Variants in SORL1 observed in about 807,000 individuals in gnomAD.
SORL1 encodes the protein sortilin-related receptor.
Under a neutral mutation model 273.7 loss-of-function variants are expected in SORL1, and 127 were observed. The ratio of observed to expected loss-of-function variants is 0.46; its 90% CI spans 0.40 to 0.54. The LOEUF (loss-of-function observed/expected upper bound fraction) is 0.54, where lower values mean the gene tolerates loss of function less well. Among genes scored for constraint, SORL1 ranks in the 20% least tolerant of loss-of-function variants. The pLI is 0.00. For missense variants in SORL1, 2,494 were observed against 2,846.1 expected, an observed-to-expected ratio of 0.88 and a Z score of 2.81; for synonymous variants, 1,031 against 1,067.4, an observed-to-expected ratio of 0.97 and a Z score of 0.66.
chr11:121,534,084 C>G (rs1862236916), intron 12 of SORL1, among the ~76,000 whole-genome samples: 2 of 152,180 alleles, frequency 1.3e-5, no homozygotes, highest in African/African-American at 4.8e-5. Flanking sequence ...ATGCCTGCCA[C>G]CCTGTAGTTG....
intron 14 of SORL1, among the ~76,000 whole-genome samples, chr11:121,549,176 T>G (rs1438951581): frequency 6.6e-6 from 1 of 152,142 alleles, no homozygotes; most frequent in African/African-American, 2.4e-5. Context: ...CAGGGTGACT[T>G]AGCTAGTATG....
intron 39 of SORL1, 82 bp downstream of exon 39, chr11:121,611,240 G>C: frequency 1.1e-6 from 1 of 918,746 alleles, no homozygotes; most frequent in East Asian, 2.8e-5. Context: ...AGTAAGACTG[G>C]AAAAAAACAA....
At chr11:121,502,494 C>T (rs1357051658) in intron 6 of SORL1, among the ~76,000 whole-genome samples, 5 of 152,110 alleles carry the variant, frequency 3.3e-5, no homozygotes, top group Admixed American at 1.3e-4. Context: ...AACTATTGTA[C>T]CATTTTATAT....
chr11:121,625,060 A>C, intron 45 of SORL1, 25 bp from the exon 46 acceptor site: 2 of 1,554,384 alleles, frequency 1.3e-6, no homozygotes, highest in Non-Finnish European at 1.8e-6. Flanking sequence ...CGACTTCCTG[A>C]GCAATCTCTT....
chr11:121,469,480 A>G (rs191115512), intron 1 of SORL1, among the ~76,000 whole-genome samples: 1 of 152,374 alleles, frequency 6.6e-6, no homozygotes, highest in Admixed American at 6.5e-5. Flanking sequence ...AGACCTTTCA[A>G]AAATAATTTT....
At chr11:121,503,476 G>T (rs1775030546) in intron 6 of SORL1, among the ~76,000 whole-genome samples, 1 of 151,920 alleles carries the variant, frequency 6.6e-6, no homozygotes, top group African/African-American at 2.4e-5. Context: ...ATAAATATGA[G>T]AATTTATTTC....
Position 121,593,785 on chromosome 11 carries a change from G to A in SORL1, c.4370-1838G>A, listed in dbSNP as rs569644027. On this transcript the variant is annotated intron_variant, in intron 31 of 47. Transcript: ENST00000260197. ...ATACCTGGGGCACAACTGCCTTTTA[G>A]GACGTTGCACCATCATCATCTTCAG... Among the ~76,000 whole-genome samples, 5 of 152,228 alleles carry A rather than the reference G, an allele frequency of 3.3e-5. No homozygotes were observed. The South Asian group carries it at 1.0e-3, about 32-fold the overall frequency.
chr11:121,558,902 C>G (rs927828168), intron 20 of SORL1, 65 bp downstream of exon 20: 5 of 1,584,572 alleles, frequency 3.2e-6, no homozygotes, highest in South Asian at 1.1e-5. Context: ...AGATCAGGAG[C>G]CTGCATCCCT....
At chr11:121,581,440 A>C (rs1052624699) in intron 25 of SORL1, among the ~76,000 whole-genome samples, 1 of 152,338 alleles carries the variant, frequency 6.6e-6, no homozygotes, top group East Asian at 1.9e-4. Context: ...TACCACACGA[A>C]CTTCACCATT....
rs1323342802 is a variant in SORL1, at chr11:121,617,682, TTTGA to T, written c.5605-1088_5605-1085del. 2.5e-4 allele frequency among the ~76,000 whole-genome samples: 38 copies of T among 152,346 alleles called. 1 individual carries two copies. The highest frequency in any genetic ancestry group is 8.7e-4 in the African/African-American group (36 of 41,566). On this transcript the variant is annotated intron_variant, in intron 41 of 47. Coordinates refer to ENST00000260197, the MANE Select transcript of SORL1 (RefSeq NM_003105.6). The stretch of plus-strand genomic sequence containing the variant: ...CACATAACTCTTGGAGAAAATGCTC[TTTGA>T]TTGTGCCTTACAAAGAAAGCTTCCT...
At chr11:121,615,941 T>C (rs981000725) in intron 41 of SORL1, among the ~76,000 whole-genome samples, 5 of 151,886 alleles carry the variant, frequency 3.3e-5, no homozygotes, top group Admixed American at 2.0e-4. Flanking sequence ...CTTGCCAGAG[T>C]TAAAGCTCTC....
Position 121,627,775 on chromosome 11 carries a change from G to A in SORL1, c.6577+8G>A. ...CCTCTGGGGATGACCTGGGTAAGTG[G>A]GGCAGGGAGAGTCGGTTCTTCCTCC... On this transcript the variant is annotated splice_region_variant and intron_variant, in intron 47 of 47. Coordinates refer to ENST00000260197, the MANE Select transcript of SORL1 (RefSeq NM_003105.6). The surrounding 1 kb of genome is among the most constrained non-coding windows in gnomAD (Gnocchi z 4.9). 6.2e-7 allele frequency: 1 copy of A among 1,607,156 alleles called. No individual in the cohort carries two copies. The highest frequency in any genetic ancestry group is 8.5e-7 in the Non-Finnish European group (1 of 1,175,066).
In SORL1 at chr11:121,601,807, T is replaced by C. The variant is rs369317782; in HGVS notation, c.4520-2386T>C. Among the ~76,000 whole-genome samples, 9 of 152,316 alleles carry C rather than the reference T, an allele frequency of 5.9e-5. No individual in the cohort carries two copies. The East Asian group carries it at 1.2e-3, about 20-fold the overall frequency. ...CCTCCAACGTCCTCAGCTCTACTGC[T>C]TAGCTGTTGTTTGATTATATTTGAC... On this transcript the variant is annotated intron_variant, in intron 32 of 47. Transcript: ENST00000260197.
chr11:121,532,419 A>G (rs1266353046), intron 11 of SORL1, 45 bp from the exon 12 acceptor site: 6 of 1,575,538 alleles, frequency 3.8e-6, no homozygotes, highest in African/African-American at 2.7e-5. Context: ...TTTCTGCACA[A>G]TTACCTCCAC....
chr11:121,569,862 T>A (rs1862810772), intron 22 of SORL1, among the ~76,000 whole-genome samples: 1 of 152,158 alleles, frequency 6.6e-6, no homozygotes, highest in South Asian at 2.1e-4. Context: ...AACTTGGTGG[T>A]TTTACGGCTC....
intron 24 of SORL1, among the ~76,000 whole-genome samples, chr11:121,574,711 C>T (rs1161979286): frequency 6.6e-6 from 1 of 152,156 alleles, no homozygotes; most frequent in African/African-American, 2.4e-5. Context: ...AAAGATGGAG[C>T]CTGGACTCAG....
chr11:121,472,974 A>AG (rs1861195193), intron 2 of SORL1, among the ~76,000 whole-genome samples: 2 of 151,504 alleles, frequency 1.3e-5, no homozygotes, highest in South Asian at 4.2e-4. Context: ...AAAAGAAAAA[A>AG]AAAAAGGAGA....
intron 2 of SORL1, among the ~76,000 whole-genome samples, chr11:121,472,817 G>A (rs969085490): frequency 1.3e-5 from 2 of 152,132 alleles, no homozygotes; most frequent in African/African-American, 4.8e-5. Context: ...AAAATTAGCT[G>A]GGTGTGGTGG....
chr11:121,624,485 A>C (rs1426808226), intron 45 of SORL1, among the ~76,000 whole-genome samples: 1 of 152,196 alleles, frequency 6.6e-6, no homozygotes. Flanking sequence ...CCTCTCCTCC[A>C]GTGAACAGGG....
Sources: allele counts gnomAD v4.1 joint callset (sites outside exome capture counted in the v4.1 genomes callset), GRCh38; gene constraint gnomAD v4.1.1; non-coding constraint Gnocchi (gnomAD v3.1); transcripts MANE v1.5; gene names NCBI Gene and HGNC (gene_info 2026-07-23, HGNC 2026-07-21).